Variants in MARS2 observed in about 807,000 individuals in gnomAD.
The protein encoded by MARS2 is methionine--tRNA ligase, mitochondrial.
A neutral mutation model predicts 43.8 loss-of-function variants in MARS2; 33 were observed. That is an observed-to-expected ratio of 0.75 (90% CI 0.57 to 1.01). MARS2 has a LOEUF of 1.01. MARS2 is among the 50% of genes least tolerant of loss of function. MARS2 has a pLI of 0.00. For missense variants in MARS2, 720 were observed against 763.0 expected, an observed-to-expected ratio of 0.94 and a Z score of 0.66; for synonymous variants, 351 against 325.5, an observed-to-expected ratio of 1.08 and a Z score of -0.84.
chr2:197,707,726 TACA>T lies in MARS2; in HGVS notation c.*542_*544del, dbSNP rs2089488092. 1 of 168,954 alleles carries T rather than the reference TACA, an allele frequency of 5.9e-6. No homozygotes were observed. The highest frequency in any genetic ancestry group is 1.4e-5 in the Non-Finnish European group (1 of 69,380). The allele number at this position is 168,954 out of a possible 1,614,324, so 10.5% of individuals were successfully genotyped here. ...CCATGTGTATCCCCATTTAAATTCC[TACA>T]ACTAAGTCTCCCTGCTTTGTTAATA... On this transcript the variant is annotated 3_prime_UTR_variant, in exon 1 of 1. Transcript: ENST00000282276.
In MARS2 at chr2:197,706,792, C is replaced by T. The variant is rs779567159; in HGVS notation, c.1387C>T (p.His463Tyr). Reference sequence around the variant, plus strand: ...CACTTTGCCAAAGCAGGTAGCAGACCACTATGATAACTTTCGGATATATAA... The same window carrying T: ...CACTTTGCCAAAGCAGGTAGCAGACTACTATGATAACTTTCGGATATATAA... ...VATLPKQVADHYDNFRIYKAL... is the reference protein window; with the variant it reads ...VATLPKQVADYYDNFRIYKAL... Residue 463 changes from histidine (H) to tyrosine (Y), a missense_variant, in exon 1 of 1, where the codon CAC (histidine) becomes TAC (tyrosine). His to Tyr is a moderately conservative substitution (Grantham distance 83, BLOSUM62 2). Coordinates refer to ENST00000282276, the MANE Select transcript of MARS2 (RefSeq NM_138395.4). 8 of 1,614,032 alleles carry T rather than the reference C, an allele frequency of 5.0e-6. No individual in the cohort carries two copies. The East Asian group carries it at 1.1e-4, about 22-fold the overall frequency.
Position 197,707,305 on chromosome 2 carries a change from T to A in MARS2, c.*118T>A, listed in dbSNP as rs760127819. The A allele has an allele frequency of 4.3e-6, 4 of 926,726 alleles. No homozygotes were observed. The highest frequency in any genetic ancestry group is 6.5e-6 in the Non-Finnish European group (4 of 620,084). 57.4% of individuals were successfully genotyped at this position (926,726 alleles called of 1,614,324 possible). ...TGTGGAATCAAATGAGCACATAAGC[T>A]GTGTCCCTGTGAAAAGAGGTTTGTA... On this transcript the variant is annotated 3_prime_UTR_variant, in exon 1 of 1. Transcript: ENST00000282276.
chr2:197,706,789 G>GACCA lies in MARS2; in HGVS notation c.1385_1388dup (p.His463GlnfsTer4). On this transcript the variant is annotated frameshift_variant, in exon 1 of 1. Coordinates refer to ENST00000282276, the MANE Select transcript of MARS2 (RefSeq NM_138395.4). LOFTEE classifies it high-confidence loss of function. Reference sequence around the variant, plus strand: ...GGCCACTTTGCCAAAGCAGGTAGCAGACCACTATGATAACTTTCGGATATA... The same window carrying GACCA: ...GGCCACTTTGCCAAAGCAGGTAGCAGACCAACCACTATGATAACTTTCGGATATA... The GACCA allele has an allele frequency of 6.2e-7, 1 of 1,614,158 alleles. No individual in the cohort carries two copies. Among genetic ancestry groups the GACCA allele is most frequent in the South Asian group, 1.1e-5 (1 of 91,090 alleles).
chr2:197,706,706 G>A lies in MARS2; in HGVS notation c.1301G>A (p.Gly434Glu). 1 of 1,614,018 alleles carries A rather than the reference G, an allele frequency of 6.2e-7. No homozygotes were observed. The highest frequency in any genetic ancestry group is 8.5e-7 in the Non-Finnish European group (1 of 1,180,038). ...ACTACCTGCTTCCCTAGTGAGCCAG[G>A]GTTGGTGGGGCCGTCAGTTCGTGCT... ...FCTTCFPSEP[G>E]LVGPSVRAQA... Residue 434 changes from glycine to glutamate, a missense_variant, in exon 1 of 1, where the codon GGG becomes GAG. By Grantham distance (98) the Gly-to-Glu change is moderately conservative. Coordinates refer to ENST00000282276, the MANE Select transcript of MARS2 (RefSeq NM_138395.4).
In MARS2 at chr2:197,705,894, C is replaced by T. The variant is rs768111206; in HGVS notation, c.489C>T (p.Gly163=). Residue 163 remains glycine (G), a synonymous_variant, in exon 1 of 1, where the codon GGC becomes GGT. Transcript: ENST00000282276. ...AGTCCCGCGGTCTGCTCTACAAGGG[C>T]GTCTATGAAGGTTGGTATTGCGCTT... ...VLKSRGLLYK[G]VYEGWYCASD... is the part of the protein sequence containing the mutation. The T allele has an allele frequency of 2.5e-6, 4 of 1,614,076 alleles. No homozygotes were observed. The highest frequency in any genetic ancestry group is 3.4e-6 in the Non-Finnish European group (4 of 1,180,042).
rs1484135028 is a variant in MARS2 at position 197,706,707 on chromosome 2, G to A, written c.1302G>A (p.Gly434=). ...CTACCTGCTTCCCTAGTGAGCCAGG[G>A]TTGGTGGGGCCGTCAGTTCGTGCTC... ...FCTTCFPSEP[G]LVGPSVRAQA... The change falls in exon 1 of 1, where the codon GGG becomes GGA. Residue 434 remains glycine (G), a synonymous_variant. Transcript: ENST00000282276. The A allele has an allele frequency of 5.6e-6, 9 of 1,613,928 alleles. No individual in the cohort carries two copies. The highest frequency in any genetic ancestry group is 2.7e-5 in the African/African-American group (2 of 74,956).
Position 197,705,572 on chromosome 2 carries a change from C to G in MARS2, c.167C>G (p.Ala56Gly). 1.2e-6 allele frequency: 2 copies of G among 1,613,256 alleles called. No homozygotes were observed. The highest frequency in any genetic ancestry group is 1.7e-6 in the Non-Finnish European group (2 of 1,179,974). Residue 56 changes from alanine (A) to glycine (G), a missense_variant, in exon 1 of 1, where the codon GCG (alanine) becomes GGG (glycine). Ala to Gly is a moderately conservative substitution (Grantham distance 60). Coordinates refer to ENST00000282276, the MANE Select transcript of MARS2 (RefSeq NM_138395.4). The stretch of plus-strand genomic sequence containing the variant: ...ACTACACCCATTTTCTACGTGAACG[C>G]GGCGCCGCACATCGGGCACCTGTAC... ...YFTTPIFYVN[A>G]APHIGHLYSA...
rs764462617 is a variant in MARS2, at chr2:197,706,316, CCT to C, written c.915_916del (p.His306TyrfsTer4). On this transcript the variant is annotated frameshift_variant, in exon 1 of 1. Transcript: ENST00000282276. LOFTEE classifies it high-confidence loss of function. ...GAGTTCAAATCTTGGTGGCCGGCCACCTCTCATATCATAGGTAAGGACATTCT... is the reference window on the plus strand; with the variant it reads ...GAGTTCAAATCTTGGTGGCCGGCCACCTCATATCATAGGTAAGGACATTCT... The C allele has an allele frequency of 6.2e-7, 1 of 1,614,230 alleles. No homozygotes were observed. The highest frequency in any genetic ancestry group is 1.7e-5 in the Admixed American group (1 of 60,034).
At position 197,706,848 on chromosome 2, in the gene MARS2, G is replaced by C. The variant is rs765428036; in HGVS notation, c.1443G>C (p.Arg481=). ...TGGAGGCCGTGTCCAGCTGTGTCCG[G>C]CAAACTAATGGTTTTGTCCAAAGGC... is the stretch of plus-strand genomic sequence containing the variant. ...KALEAVSSCV[R]QTNGFVQRHA... Residue 481 remains arginine (R), a synonymous_variant, in exon 1 of 1, where the codon CGG becomes CGC. Transcript: ENST00000282276. 7 of 1,614,108 alleles carry C rather than the reference G, an allele frequency of 4.3e-6. No homozygotes were observed. In the East Asian group the frequency reaches 1.3e-4, roughly 31 times the overall value.
chr2:197,705,787 G>T lies in MARS2; in HGVS notation c.382G>T (p.Ala128Ser), dbSNP rs1574775370. ...GCAGTTCCAGCAGCTTTTCCAGGAGGCCGGTATCTCCTGCACAGATTTCAT... is the reference window on the plus strand; with the variant it reads ...GCAGTTCCAGCAGCTTTTCCAGGAGTCCGGTATCTCCTGCACAGATTTCAT... ...SEQFQQLFQE[A>S]GISCTDFIRT... is the part of the protein sequence containing the mutation. Residue 128 changes from alanine (A) to serine (S), a missense_variant, in exon 1 of 1, where the codon GCC becomes TCC. Transcript: ENST00000282276. 3 of 1,613,346 alleles carry T rather than the reference G, an allele frequency of 1.9e-6. No individual in the cohort carries two copies. Among genetic ancestry groups the T allele is most frequent in the Admixed American group, 1.7e-5 (1 of 59,998 alleles).
rs752435067 is a variant in MARS2 at position 197,705,418 on chromosome 2, T to A, written c.13T>A (p.Ser5Thr). MLRTSVLRLLGRTGA... is the reference protein window; with the variant it reads MLRTTVLRLLGRTGA... ...GCCGGTCTGCACCATGCTGCGAACG[T>A]CCGTCCTCCGCCTGCTAGGACGCAC... The change falls in exon 1 of 1, where the codon TCC (serine) becomes ACC (threonine). Residue 5 changes from serine to threonine, a missense_variant. Coordinates refer to ENST00000282276, the MANE Select transcript of MARS2 (RefSeq NM_138395.4). 1.9e-5 allele frequency: 31 copies of A among 1,610,130 alleles called. No homozygotes were observed. The African/African-American group carries it at 3.3e-4, about 17-fold the overall frequency.
rs948204728 is a variant in MARS2 at position 197,706,811 on chromosome 2, T to C, written c.1406T>C (p.Ile469Thr). Reference protein sequence around the residue: ...QVADHYDNFRIYKALEAVSSC... With the variant: ...QVADHYDNFRTYKALEAVSSC... ...GCAGACCACTATGATAACTTTCGGATATATAAGGCTCTGGAGGCCGTGTCC... is the reference window on the plus strand; with the variant it reads ...GCAGACCACTATGATAACTTTCGGACATATAAGGCTCTGGAGGCCGTGTCC... The change falls in exon 1 of 1, where the codon ATA becomes ACA. Residue 469 changes from isoleucine (I) to threonine (T), a missense_variant. Physicochemically the swap from Ile to Thr is moderately conservative, Grantham distance 89. Coordinates refer to ENST00000282276, the MANE Select transcript of MARS2 (RefSeq NM_138395.4). The C allele has an allele frequency of 3.1e-6, 5 of 1,613,988 alleles. No homozygotes were observed. In the African/African-American group the frequency reaches 4.0e-5, roughly 13 times the overall value.
At position 197,706,612 on chromosome 2, in the gene MARS2, T is replaced by C. The variant is rs374479698; in HGVS notation, c.1207T>C (p.Leu403=). The C allele has an allele frequency of 2.0e-4, 320 of 1,614,128 alleles. No individual in the cohort carries two copies. The highest frequency in any genetic ancestry group is 2.6e-4 in the Non-Finnish European group (311 of 1,180,054). ...GCTGAACTCCGAGCTGGCAGATGCC[T>C]TGGGAGGTCTCTTGAACCGATGCAC... ...KLLNSELADA[L]GGLLNRCTAK... is the part of the protein sequence containing the mutation. Residue 403 remains leucine (L), a synonymous_variant, in exon 1 of 1, where the codon TTG becomes CTG. Coordinates refer to ENST00000282276, the MANE Select transcript of MARS2 (RefSeq NM_138395.4).
Position 197,705,380 on chromosome 2 carries a change from T to G in MARS2, c.-26T>G, listed in dbSNP as rs202121719. The G allele has an allele frequency of 1.3e-3, 2,006 of 1,557,322 alleles. 10 individuals carry two copies. The African/African-American group carries it at 0.019, about 14-fold the overall frequency. On this transcript the variant is annotated 5_prime_UTR_variant, in exon 1 of 1. Transcript: ENST00000282276. ...TCACACGTGCTGTCAGAACGCCGCC[T>G]CCTCCGCTTGCGGCCGGTCTGCACC...
rs1025095566 is a variant in MARS2 at position 197,707,757 on chromosome 2, C to G, written c.*570C>G. The G allele has an allele frequency of 5.9e-6, 1 of 168,236 alleles. No individual in the cohort carries two copies. Among genetic ancestry groups the G allele is most frequent in the African/African-American group, 2.4e-5 (1 of 41,438 alleles). The allele number at this position is 168,236 out of a possible 1,614,324, so 10.4% of individuals were successfully genotyped here. On this transcript the variant is annotated 3_prime_UTR_variant, in exon 1 of 1. Transcript: ENST00000282276. ...TAAGTCTCCCTGCTTTGTTAATAGTCCAACAGTTGGGTTGTGTAACATCAC... is the reference window on the plus strand; with the variant it reads ...TAAGTCTCCCTGCTTTGTTAATAGTGCAACAGTTGGGTTGTGTAACATCAC...
chr2:197,706,228 A>T lies in MARS2; in HGVS notation c.823A>T (p.Thr275Ser). The T allele has an allele frequency of 6.2e-7, 1 of 1,614,224 alleles. No homozygotes were observed. The highest frequency in any genetic ancestry group is 8.5e-7 in the Non-Finnish European group (1 of 1,180,046). The change falls in exon 1 of 1, where the codon ACC becomes TCC. Residue 275 changes from threonine to serine, a missense_variant. Thr to Ser is a moderately conservative substitution (Grantham distance 58). Transcript: ENST00000282276. The stretch of plus-strand genomic sequence containing the variant: ...TCCGGTGCCCGGGGATGATTCGCAG[A>T]CCATCTATGTATGGCTGGATGCCCT... Reference protein sequence around the residue: ...GIPVPGDDSQTIYVWLDALVN... With the variant: ...GIPVPGDDSQSIYVWLDALVN...
Position 197,707,855 on chromosome 2 carries a change from A to G in MARS2, c.*668A>G, listed in dbSNP as rs2089489015. The G allele has an allele frequency of 6.0e-6, 1 of 167,266 alleles. No homozygotes were observed. The allele number at this position is 167,266 out of a possible 1,614,324, so 10.4% of individuals were successfully genotyped here. On this transcript the variant is annotated 3_prime_UTR_variant, in exon 1 of 1. Coordinates refer to ENST00000282276, the MANE Select transcript of MARS2 (RefSeq NM_138395.4). ...ATTGAGGATTCGGAATATTTAGAATAAATTAGTTTTCTGCTTTCTAATTTT... is the reference window on the plus strand; with the variant it reads ...ATTGAGGATTCGGAATATTTAGAATGAATTAGTTTTCTGCTTTCTAATTTT...
chr2:197,705,379 C>A lies in MARS2; in HGVS notation c.-27C>A. The A allele has an allele frequency of 6.4e-7, 1 of 1,555,878 alleles. No individual in the cohort carries two copies. Among genetic ancestry groups the A allele is most frequent in the South Asian group, 1.2e-5 (1 of 85,060 alleles). On this transcript the variant is annotated 5_prime_UTR_variant, in exon 1 of 1. Transcript: ENST00000282276. Reference sequence around the variant, plus strand: ...CTCACACGTGCTGTCAGAACGCCGCCTCCTCCGCTTGCGGCCGGTCTGCAC... The same window carrying A: ...CTCACACGTGCTGTCAGAACGCCGCATCCTCCGCTTGCGGCCGGTCTGCAC...
rs930777392 is a variant in MARS2 at position 197,708,371 on chromosome 2, A to C, written c.*1184A>C. The C allele has an allele frequency of 1.4e-4, 24 of 166,902 alleles. No individual in the cohort carries two copies. The highest frequency in any genetic ancestry group is 5.8e-4 in the African/African-American group (24 of 41,568). The allele number at this position is 166,902 out of a possible 1,614,324, so 10.3% of individuals were successfully genotyped here. A position where few individuals can be genotyped will look rare whatever the true frequency, so the allele number is the denominator to read the frequency against. On this transcript the variant is annotated 3_prime_UTR_variant, in exon 1 of 1. Transcript: ENST00000282276. ...TTGCTCTTTTAACTTAAGTTATTAA[A>C]GTTTAAAAGTTCGTAAGTACCTTAT...
Sources: gnomAD v4.1 joint callset for allele counts on GRCh38, gnomAD v4.1.1 for gene constraint, MANE v1.5 for transcripts, NCBI Gene and HGNC (gene_info 2026-07-23, HGNC 2026-07-21) for gene names.